Variants in SESN3 observed in about 807,000 individuals in gnomAD.
SESN3 encodes sestrin-3.
A neutral mutation model predicts 55.3 loss-of-function variants in SESN3; 21 were observed. The ratio of observed to expected loss-of-function variants is 0.38; its 90% confidence interval spans 0.27 to 0.55. The LOEUF (loss-of-function observed/expected upper bound fraction) is 0.55. Ranked by LOEUF, SESN3 falls within the 20% of genes least tolerant of loss-of-function variation. The probability of loss-of-function intolerance (pLI) is 0.76; values close to 1 mark genes in which losing one functional copy is unlikely to be tolerated. For missense variants in SESN3, 408 were observed against 604.3 expected, an observed-to-expected ratio of 0.68 and a Z score of 3.41; for synonymous variants, 181 against 203.1, an observed-to-expected ratio of 0.89 and a Z score of 0.93.
chr11:95,228,162 T>C (rs1304665669), intron 1 of SESN3, among the ~76,000 whole-genome samples: 3 of 152,210 alleles, frequency 2.0e-5, no homozygotes, highest in Non-Finnish European at 4.4e-5. Flanking sequence ...TCATACAATA[T>C]ATAATTCAAT....
Position 95,173,175 on chromosome 11 carries a change from T to G in SESN3, c.*80A>C, listed in dbSNP as rs1859886692. On this transcript the variant is annotated 3_prime_UTR_variant, in exon 10 of 10. Coordinates refer to ENST00000536441, the MANE Select transcript of SESN3 (RefSeq NM_144665.4). ...CACTAGAGAACTGAATAATTTTTGA[T>G]GCTATATCACAAATAGCTTCAATGT... The G allele has an allele frequency of 1.3e-6, 1 of 790,114 alleles. No homozygotes were observed. The highest frequency in any genetic ancestry group is 1.7e-5 in the African/African-American group (1 of 59,204). The allele number at this position is 790,114 out of a possible 1,614,324, so 48.9% of individuals were successfully genotyped here. A position where few individuals can be genotyped will look rare whatever the true frequency, so the allele number is the denominator to read the frequency against.
At chr11:95,183,373 T>TA (rs1442720354) in intron 6 of SESN3, among the ~76,000 whole-genome samples, 3 of 152,134 alleles carry the variant, frequency 2.0e-5, no homozygotes, top group Non-Finnish European at 2.9e-5. Flanking sequence ...GGAGAAATGA[T>TA]AAAAAGGGTT....
intron 1 of SESN3, among the ~76,000 whole-genome samples, chr11:95,224,973 T>C (rs11021090): frequency 0.27 from 40,489 of 152,096 alleles, 6,117 homozygotes; most frequent in Non-Finnish European, 0.33. Flanking sequence ...ATGCACTTTA[T>C]ACGCATTCCA....
At chr11:95,189,486 G>A (rs1860226951) in intron 4 of SESN3, among the ~76,000 whole-genome samples, 1 of 151,872 alleles carries the variant, frequency 6.6e-6, no homozygotes, top group Non-Finnish European at 1.5e-5. Context: ...TTGTAACAGA[G>A]TACAGACTAG....
At chr11:95,231,398 C>T (rs1861066083), upstream of SESN3, 2 of 359,034 alleles carry the variant, frequency 5.6e-6, no homozygotes, top group South Asian at 2.9e-4. Context: ...TTAAGTTTAT[C>T]TCCGAGGCTC....
intron 6 of SESN3, among the ~76,000 whole-genome samples, chr11:95,179,434 T>G (rs1233680575): frequency 6.6e-6 from 1 of 152,106 alleles, no homozygotes; most frequent in Non-Finnish European, 1.5e-5. Flanking sequence ...TTAACCATTT[T>G]TTTGGTTTTG....
At chr11:95,196,409 T>A (rs1272195287) in intron 1 of SESN3, among the ~76,000 whole-genome samples, 1 of 152,158 alleles carries the variant, frequency 6.6e-6, no homozygotes, top group Non-Finnish European at 1.5e-5. Context: ...TTAAAGTCAG[T>A]AAGATCAAAT....
intron 1 of SESN3, among the ~76,000 whole-genome samples, chr11:95,197,755 T>C (rs1411655346): frequency 6.6e-6 from 1 of 152,164 alleles, no homozygotes; most frequent in Non-Finnish European, 1.5e-5. Flanking sequence ...TTTGTTATGG[T>C]GACTATATTG....
intron 3 of SESN3, among the ~76,000 whole-genome samples, chr11:95,190,889 T>C (rs554090140): frequency 6.6e-6 from 1 of 152,134 alleles, no homozygotes; most frequent in East Asian, 1.9e-4. Flanking sequence ...CTGACCTCTA[T>C]TGCCTGTGAA....
chr11:95,177,687 A>C (rs764341735), intron 8 of SESN3, 32 bp downstream of exon 8: 1 of 1,530,882 alleles, frequency 6.5e-7, no homozygotes, highest in Non-Finnish European at 8.9e-7. Flanking sequence ...TTCACTTAGA[A>C]ATGTAAAAAA....
intron 8 of SESN3, 75 bp downstream of exon 8, chr11:95,177,644 A>G (rs563016595): frequency 2.7e-6 from 3 of 1,130,010 alleles, no homozygotes; most frequent in South Asian, 3.0e-5. Context: ...ATATACTCCC[A>G]AACAGGACAA....
intron 1 of SESN3, among the ~76,000 whole-genome samples, chr11:95,218,580 C>A (rs1328710890): frequency 6.6e-6 from 1 of 151,058 alleles, no homozygotes; most frequent in Non-Finnish European, 1.5e-5. Flanking sequence ...CATAAAATAG[C>A]AATCTGTATA....
In SESN3 at chr11:95,216,816, G is replaced by A. The variant is rs1028057825; in HGVS notation, c.78+13967C>T. 2.1e-3 allele frequency among the ~76,000 whole-genome samples: 315 copies of A among 151,954 alleles called. 1 individual carries two copies. Among genetic ancestry groups the A allele is most frequent in the African/African-American group, 7.3e-3 (303 of 41,502 alleles). ...TTTAAAAGTTTAACATCAATTAAGA[G>A]TAAAATACTGGCCAGGCATAGTGGC... On this transcript the variant is annotated intron_variant, in intron 1 of 9. Transcript: ENST00000536441.
chr11:95,197,882 C>T (rs115343264), intron 1 of SESN3, among the ~76,000 whole-genome samples: 4 of 152,262 alleles, frequency 2.6e-5, no homozygotes, highest in Non-Finnish European at 2.9e-5. Context: ...AGCTCTTCTC[C>T]GCCCTCCAGT....
intron 5 of SESN3, 92 bp downstream of exon 5, chr11:95,185,164 C>G: frequency 1.4e-6 from 1 of 719,590 alleles, no homozygotes; most frequent in Non-Finnish European, 2.4e-6. Context: ...TATATAATAT[C>G]CTATCTAATT....
intron 6 of SESN3, among the ~76,000 whole-genome samples, chr11:95,181,134 CA>C (rs1260340813): frequency 1.3e-5 from 2 of 152,002 alleles, no homozygotes; most frequent in Non-Finnish European, 2.9e-5. Context: ...ACTGCACAAC[CA>C]AATGGTTTCA....
intron 1 of SESN3, chr11:95,224,417 C>A: frequency 2.4e-6 from 1 of 421,410 alleles, no homozygotes; most frequent in South Asian, 1.7e-5. Context: ...CAATCATTGT[C>A]AGTGATAAAA....
At chr11:95,217,824 T>A (rs886674338) in intron 1 of SESN3, among the ~76,000 whole-genome samples, 6 of 152,196 alleles carry the variant, frequency 3.9e-5, no homozygotes, top group African/African-American at 1.4e-4. Flanking sequence ...ATGTGCAACC[T>A]AGATAATGGT....
chr11:95,186,120 C>A (rs1342533794), intron 4 of SESN3, among the ~76,000 whole-genome samples: 1 of 151,480 alleles, frequency 6.6e-6, no homozygotes, highest in African/African-American at 2.4e-5. Flanking sequence ...AGAGTGAATT[C>A]CACCAATTAA....
Sources: gnomAD v4.1 joint callset for allele counts (sites outside exome capture counted in the v4.1 genomes callset) on GRCh38, gnomAD v4.1.1 for gene constraint, MANE v1.5 for transcripts, NCBI Gene and HGNC (gene_info 2026-07-23, HGNC 2026-07-21) for gene names.